Variants in DEPTOR observed in about 807,000 individuals in gnomAD.
DEPTOR encodes DEP domain-containing mTOR-interacting protein.
A neutral mutation model predicts 41.6 loss-of-function variants in DEPTOR; 41 were observed. The ratio of observed to expected loss-of-function variants is 0.98; its 90% CI spans 0.77 to 1.28. The LOEUF is 1.28. Ranked by LOEUF, DEPTOR falls within the 50% of genes most tolerant of loss-of-function variation. The pLI is 0.00. For missense variants in DEPTOR, 514 were observed against 527.9 expected (o/e 0.97, Z 0.26); for synonymous variants, 195 against 192.3 (o/e 1.01, Z -0.12).
intron 1 of DEPTOR, among the ~76,000 whole-genome samples, chr8:119,901,943 A>G (rs1298316488): frequency 2.7e-5 from 4 of 150,220 alleles, no homozygotes; most frequent in Admixed American, 6.6e-5. Flanking sequence ...TTTTTTTTCA[A>G]TTTTCCTTTT....
chr8:120,003,237 G>T, intron 6 of DEPTOR, 126 bp downstream of exon 6: 1 of 1,461,616 alleles, frequency 6.8e-7, no homozygotes. Flanking sequence ...TGCTCTTGGG[G>T]TCCACACGTG....
chr8:120,045,894 C>T (rs1157652000), intron 8 of DEPTOR, among the ~76,000 whole-genome samples: 1 of 152,206 alleles, frequency 6.6e-6, no homozygotes, highest in Non-Finnish European at 1.5e-5. Flanking sequence ...CTTGGCCAGA[C>T]AGCCCTGCTG....
At chr8:120,042,336 A>G (rs758878909) in intron 8 of DEPTOR, among the ~76,000 whole-genome samples, 14 of 152,170 alleles carry the variant, frequency 9.2e-5, no homozygotes, top group Non-Finnish European at 1.6e-4. Flanking sequence ...TGCAACACAT[A>G]GTGTACCATA....
intron 8 of DEPTOR, among the ~76,000 whole-genome samples, chr8:120,032,734 A>G (rs951993248): frequency 6.6e-6 from 1 of 152,200 alleles, no homozygotes; most frequent in Non-Finnish European, 1.5e-5. Context: ...ACATTTAACC[A>G]TAACAGCCAC....
At chr8:120,003,252 A>T in intron 6 of DEPTOR, 141 bp downstream of exon 6, 1 of 1,404,472 alleles carries the variant, frequency 7.1e-7, no homozygotes, top group Non-Finnish European at 9.5e-7. Context: ...CACGTGTTGA[A>T]TGGAAGGGAA....
At chr8:119,969,300 G>C (rs753378749) in intron 4 of DEPTOR, among the ~76,000 whole-genome samples, 7 of 151,756 alleles carry the variant, frequency 4.6e-5, no homozygotes, top group South Asian at 2.1e-4. Flanking sequence ...CACCATAAAG[G>C]TACAATGTAA....
chr8:120,049,772 A>G lies in DEPTOR; in HGVS notation c.*68A>G. 1 of 1,585,732 alleles carries G rather than the reference A, an allele frequency of 6.3e-7. No individual in the cohort carries two copies. Among genetic ancestry groups the G allele is most frequent in the Non-Finnish European group, 8.6e-7 (1 of 1,162,490 alleles). ...AAGCCAGAATGACACAAAGCAATGC[A>G]AAGACAAGATTGCCATGCAAATGGA... On this transcript the variant is annotated 3_prime_UTR_variant, in exon 9 of 9. Coordinates refer to ENST00000286234, the MANE Select transcript of DEPTOR (RefSeq NM_022783.4).
chr8:119,978,510 C>T (rs1042051683), intron 4 of DEPTOR, among the ~76,000 whole-genome samples: 2 of 152,098 alleles, frequency 1.3e-5, no homozygotes, highest in South Asian at 2.1e-4. Flanking sequence ...CAATGGGAGG[C>T]GGGGGCTGAG....
At chr8:120,043,547 C>G (rs1395637978) in intron 8 of DEPTOR, among the ~76,000 whole-genome samples, 7 of 152,166 alleles carry the variant, frequency 4.6e-5, no homozygotes, top group Non-Finnish European at 5.9e-5. Flanking sequence ...AAACGTTTGT[C>G]ATCCACTATT....
intron 4 of DEPTOR, among the ~76,000 whole-genome samples, chr8:119,995,007 A>G (rs1375322305): frequency 1.3e-5 from 2 of 152,132 alleles, no homozygotes; most frequent in Non-Finnish European, 2.9e-5. Flanking sequence ...AAAAAAAAGA[A>G]AAAAGAAAGG....
chr8:119,905,989 C>T (rs147244488), intron 1 of DEPTOR, among the ~76,000 whole-genome samples: 2,064 of 152,258 alleles, frequency 0.014, 26 homozygotes, highest in Middle Eastern at 0.027. Context: ...GAGACAGCAT[C>T]TCGCTATGTT....
At chr8:119,935,436 G>A (rs994131411) in intron 3 of DEPTOR, among the ~76,000 whole-genome samples, 25 of 151,978 alleles carry the variant, frequency 1.6e-4, no homozygotes, top group Admixed American at 1.4e-3. Flanking sequence ...TAAGAAAAAA[G>A]CTGGCCAGAC....
intron 8 of DEPTOR, among the ~76,000 whole-genome samples, chr8:120,018,947 C>T (rs1812654065): frequency 6.6e-6 from 1 of 152,210 alleles, no homozygotes. Flanking sequence ...CTACCATGTG[C>T]TAGGCATTAT....
At chr8:119,928,028 A>C (rs1162143388) in intron 1 of DEPTOR, among the ~76,000 whole-genome samples, 1 of 152,166 alleles carries the variant, frequency 6.6e-6, no homozygotes, top group Non-Finnish European at 1.5e-5. Flanking sequence ...AAGAGGGTGC[A>C]CTTTGTTTCA....
chr8:120,047,882 CA>C (rs11344744), intron 8 of DEPTOR, among the ~76,000 whole-genome samples: 57,206 of 151,228 alleles, frequency 0.38, 11,209 homozygotes, highest in African/African-American at 0.41. Context: ...CCCTCTCTAC[CA>C]AAAATACAAA....
At chr8:120,002,776 C>CAAAAA (rs1173820465) in intron 5 of DEPTOR, among the ~76,000 whole-genome samples, 7 of 54,438 alleles carry the variant, frequency 1.3e-4, no homozygotes, top group Admixed American at 2.9e-4. Context: ...GACTCCATCT[C>CAAAAA]AAAAAAAAAA....
At chr8:119,881,513 G>A (rs1041565677) in intron 1 of DEPTOR, among the ~76,000 whole-genome samples, 2 of 150,642 alleles carry the variant, frequency 1.3e-5, no homozygotes, top group Admixed American at 1.3e-4. Flanking sequence ...GACACAGTGA[G>A]ACTCTGTCTC....
At chr8:119,982,045 A>G (rs940569890) in intron 4 of DEPTOR, among the ~76,000 whole-genome samples, 4 of 138,902 alleles carry the variant, frequency 2.9e-5, no homozygotes, top group African/African-American at 7.9e-5. Context: ...AAAAAATTCT[A>G]GTTTTCATTG....
At chr8:119,892,068 G>T (rs1827459239) in intron 1 of DEPTOR, among the ~76,000 whole-genome samples, 1 of 152,044 alleles carries the variant, frequency 6.6e-6, no homozygotes, top group Non-Finnish European at 1.5e-5. Flanking sequence ...GTGCAATCTT[G>T]GCTCACTGCA....
Sources: allele counts gnomAD v4.1 joint callset (sites outside exome capture counted in the v4.1 genomes callset), GRCh38; gene constraint gnomAD v4.1.1; transcripts MANE v1.5; gene names NCBI Gene and HGNC (gene_info 2026-07-23, HGNC 2026-07-21).